Variants in RPS6KC1 observed in about 807,000 individuals in gnomAD.
RPS6KC1 encodes the protein ribosomal protein S6 kinase C1, also known as inactive ribosomal protein S6 kinase delta-1.
Under a neutral mutation model 103.8 loss-of-function variants are expected in RPS6KC1, and 54 were observed. That is an observed-to-expected ratio of 0.52 (90% confidence interval 0.42 to 0.65). The LOEUF is 0.65. RPS6KC1 is among the 30% of genes least tolerant of loss of function. The probability of loss-of-function intolerance (pLI) is 0.00; values close to 1 mark genes in which losing one functional copy is unlikely to be tolerated. For synonymous variants in RPS6KC1, 439 were observed against 438.7 expected (o/e 1.00, Z -0.01); for missense variants, 1,151 against 1,253.8 (o/e 0.92, Z 1.24).
At chr1:213,829,268 C>CAAAAA in the RPS6KC1 span, among the ~76,000 whole-genome samples, 6 of 114,350 alleles carry the variant, frequency 5.2e-5, no homozygotes, top group African/African-American at 1.3e-4. Flanking sequence ...TCGTTTGTTT[C>CAAAAA]AAAAAAAAAA....
chr1:213,131,486 C>T (rs929569260), intron 6 of RPS6KC1, among the ~76,000 whole-genome samples: 8 of 151,774 alleles, frequency 5.3e-5, no homozygotes, highest in Non-Finnish European at 1.0e-4. Flanking sequence ...TTCTGTCACC[C>T]AGGCTGGAGG....
chr1:213,147,089 A>G (rs769565103), intron 6 of RPS6KC1, among the ~76,000 whole-genome samples: 16 of 152,082 alleles, frequency 1.1e-4, no homozygotes, highest in Non-Finnish European at 2.2e-4. Flanking sequence ...TATATATTCT[A>G]TTAATCCCTT....
At chr1:213,815,817 T>A in the RPS6KC1 span, among the ~76,000 whole-genome samples, 1 of 152,206 alleles carries the variant, frequency 6.6e-6, no homozygotes, top group Non-Finnish European at 1.5e-5. Context: ...TCACAACTTC[T>A]GTAACTGGTG....
the RPS6KC1 span, among the ~76,000 whole-genome samples, chr1:213,518,452 T>C: frequency 1.3e-5 from 2 of 152,212 alleles, no homozygotes; most frequent in African/African-American, 4.8e-5. Context: ...GAACGTCTGA[T>C]GCCACCAGAA....
At chr1:213,824,755 C>A in the RPS6KC1 span, among the ~76,000 whole-genome samples, 2 of 152,200 alleles carry the variant, frequency 1.3e-5, no homozygotes, top group Non-Finnish European at 2.9e-5. Flanking sequence ...TTGCCTTCTG[C>A]CATGATTGTG....
At chr1:213,467,881 G>A in the RPS6KC1 span, among the ~76,000 whole-genome samples, 1 of 152,144 alleles carries the variant, frequency 6.6e-6, no homozygotes, top group Non-Finnish European at 1.5e-5. Context: ...TTCATTTCTG[G>A]TGTGAACATA....
chr1:213,346,582 G>T, the RPS6KC1 span, among the ~76,000 whole-genome samples: 5 of 151,994 alleles, frequency 3.3e-5, no homozygotes, highest in Non-Finnish European at 5.9e-5. Context: ...GACGGTGAGG[G>T]TACAAAAATT....
At chr1:213,073,039 A>C (rs1447300888) in intron 2 of RPS6KC1, 2 of 333,510 alleles carry the variant, frequency 6.0e-6, no homozygotes, top group Non-Finnish European at 8.5e-6. Flanking sequence ...AAGTGGTATA[A>C]ATTTTTAAAA....
chr1:213,547,638 A>G, the RPS6KC1 span, among the ~76,000 whole-genome samples: 1 of 152,138 alleles, frequency 6.6e-6, no homozygotes, highest in East Asian at 1.9e-4. Flanking sequence ...TTTGTTATGA[A>G]TGGTTGTCCT....
chr1:213,806,565 G>T, the RPS6KC1 span, among the ~76,000 whole-genome samples: 4 of 146,546 alleles, frequency 2.7e-5, no homozygotes, highest in African/African-American at 1.0e-4. Flanking sequence ...ATCTTTGTTG[G>T]TTTAAAGTCT....
the RPS6KC1 span, among the ~76,000 whole-genome samples, chr1:213,343,684 T>C: frequency 3.3e-5 from 5 of 151,240 alleles, no homozygotes; most frequent in African/African-American, 7.3e-5. Flanking sequence ...AGAATACACA[T>C]TGGGTATAAT....
At chr1:213,566,787 T>C in the RPS6KC1 span, among the ~76,000 whole-genome samples, 1 of 152,092 alleles carries the variant, frequency 6.6e-6, no homozygotes, top group African/African-American at 2.4e-5. Context: ...AATATAATTG[T>C]CATTTTGTTG....
chr1:213,406,948 A>G, the RPS6KC1 span, among the ~76,000 whole-genome samples: 1 of 152,104 alleles, frequency 6.6e-6, no homozygotes, highest in African/African-American at 2.4e-5. Context: ...TAGGGCTGGG[A>G]CTTTTACCCA....
the RPS6KC1 span, among the ~76,000 whole-genome samples, chr1:213,586,850 G>A: frequency 1.2e-4 from 19 of 152,182 alleles, no homozygotes; most frequent in African/African-American, 4.6e-4. Flanking sequence ...TCCCACACTG[G>A]CCTTATTGAC....
rs1039799736 is a variant in RPS6KC1, at chr1:213,267,735, A to G, written c.3091-4789A>G. Among the ~76,000 whole-genome samples the G allele has an allele frequency of 5.3e-4, 81 of 152,016 alleles. 1 individual carries two copies. The highest frequency in any genetic ancestry group is 1.0e-4 in the Non-Finnish European group (7 of 67,962). ...GAGACAGAAAGTATATTTTTAAAAA[A>G]CAGAACTAAGTAGAAGTCACAAGTT... On this transcript the variant is annotated intron_variant, in intron 14 of 14. Transcript: ENST00000366960.
chr1:213,599,485 T>G, the RPS6KC1 span, among the ~76,000 whole-genome samples: 3 of 151,884 alleles, frequency 2.0e-5, no homozygotes, highest in African/African-American at 7.3e-5. Flanking sequence ...GGAAAAACAT[T>G]CATGGCAAGA....
chr1:213,443,944 G>A, the RPS6KC1 span, among the ~76,000 whole-genome samples: 1 of 152,056 alleles, frequency 6.6e-6, no homozygotes, highest in African/African-American at 2.4e-5. Context: ...TGTCTTTTGA[G>A]CTGCCATAAC....
At chr1:213,798,304 A>G in the RPS6KC1 span, among the ~76,000 whole-genome samples, 12,613 of 152,282 alleles carry the variant, frequency 0.083, 980 homozygotes, top group East Asian at 0.21. Flanking sequence ...GTGAAGTCGC[A>G]TGACACCCAA....
At chr1:213,765,726 C>T in the RPS6KC1 span, among the ~76,000 whole-genome samples, 1 of 152,172 alleles carries the variant, frequency 6.6e-6, no homozygotes, top group Non-Finnish European at 1.5e-5. Context: ...CTACTCCCCT[C>T]CACCCTTCCA....
Sources: gnomAD v4.1 joint callset for allele counts (sites outside exome capture counted in the v4.1 genomes callset) on GRCh38, gnomAD v4.1.1 for gene constraint, MANE v1.5 for transcripts, NCBI Gene and HGNC (gene_info 2026-07-23, HGNC 2026-07-21) for gene names.